FGGY: variants seen among roughly 807,000 people sequenced by gnomAD.
FGGY encodes FGGY carbohydrate kinase domain-containing protein.
FGGY carries 72 observed loss-of-function variants against 71.3 expected under a neutral mutation model. The ratio of observed to expected loss-of-function variants is 1.01; its 90% confidence interval spans 0.84 to 1.23. FGGY has a LOEUF of 1.23. Among genes scored for constraint, FGGY ranks in the 50% most tolerant of loss-of-function variants. The pLI is 0.00. For missense variants in FGGY, 668 were observed against 682.3 expected (o/e 0.98, Z 0.23); for synonymous variants, 251 against 250.3 (o/e 1.00, Z -0.02).
chr1:59,533,184 G>A (rs142755103), intron 7 of FGGY, among the ~76,000 whole-genome samples: 8,788 of 152,306 alleles, frequency 0.058, 496 homozygotes, highest in African/African-American at 0.15. Flanking sequence ...GCAAGGCATT[G>A]CCTCACTCGG....
intron 9 of FGGY, among the ~76,000 whole-genome samples, chr1:59,611,090 G>T (rs1195920601): frequency 6.6e-6 from 1 of 152,206 alleles, no homozygotes; most frequent in African/African-American, 2.4e-5. Context: ...CTGAGGGCGG[G>T]GCATAGCTGA....
At chr1:59,708,015 G>A (rs1021466813) in intron 14 of FGGY, among the ~76,000 whole-genome samples, 4 of 152,158 alleles carry the variant, frequency 2.6e-5, no homozygotes, top group African/African-American at 9.7e-5. Flanking sequence ...GGGGACATTT[G>A]GTTCCAGAGT....
chr1:59,570,228 C>G (rs536798086), intron 8 of FGGY, among the ~76,000 whole-genome samples: 1 of 152,068 alleles, frequency 6.6e-6, no homozygotes, highest in African/African-American at 2.4e-5. Context: ...GGAAAACTTT[C>G]AAAAAAACTG....
At chr1:59,313,445 G>A (rs1055170715) in intron 1 of FGGY, among the ~76,000 whole-genome samples, 3 of 152,130 alleles carry the variant, frequency 2.0e-5, no homozygotes, top group Non-Finnish European at 4.4e-5. Flanking sequence ...GTTAGATATG[G>A]CGAGAATGCC....
intron 4 of FGGY, among the ~76,000 whole-genome samples, chr1:59,357,062 G>A (rs1013600469): frequency 1.3e-5 from 2 of 152,180 alleles, no homozygotes; most frequent in Non-Finnish European, 2.9e-5. Flanking sequence ...AGACAGTATT[G>A]TCAGCTGCTG....
chr1:59,677,247 TCAA>T (rs2097444700), intron 14 of FGGY, among the ~76,000 whole-genome samples: 1 of 152,208 alleles, frequency 6.6e-6, no homozygotes, highest in African/African-American at 2.4e-5. Flanking sequence ...AACCTGAACT[TCAA>T]CACAGTCTTT....
At chr1:59,585,595 A>G (rs1003073765) in intron 8 of FGGY, among the ~76,000 whole-genome samples, 3 of 152,344 alleles carry the variant, frequency 2.0e-5, no homozygotes, top group African/African-American at 7.2e-5. Flanking sequence ...ATCACCATTC[A>G]GGACATAGGC....
intron 7 of FGGY, among the ~76,000 whole-genome samples, chr1:59,550,272 G>T (rs2095587959): frequency 1.3e-5 from 2 of 151,996 alleles, no homozygotes; most frequent in South Asian, 4.2e-4. Flanking sequence ...TCTGTGGATG[G>T]CAAAATATGT....
intron 13 of FGGY, among the ~76,000 whole-genome samples, chr1:59,672,980 T>A (rs1218889575): frequency 6.6e-6 from 1 of 152,184 alleles, no homozygotes; most frequent in African/African-American, 2.4e-5. Flanking sequence ...ACCCTTCAGA[T>A]GCCTGTTTAA....
At chr1:59,654,196 T>C (rs183219314) in intron 11 of FGGY, among the ~76,000 whole-genome samples, 1 of 152,386 alleles carries the variant, frequency 6.6e-6, no homozygotes, top group East Asian at 1.9e-4. Context: ...AGACACTTAC[T>C]GACACCTCTA....
chr1:59,588,965 A>G (rs898063422), intron 8 of FGGY, among the ~76,000 whole-genome samples: 2 of 152,258 alleles, frequency 1.3e-5, no homozygotes, highest in Non-Finnish European at 2.9e-5. Context: ...TAAATGGACT[A>G]AATGCTCCAA....
intron 1 of FGGY, among the ~76,000 whole-genome samples, chr1:59,297,551 G>A (rs138496070): frequency 1.3e-5 from 2 of 152,320 alleles, no homozygotes; most frequent in African/African-American, 4.8e-5. Flanking sequence ...GGCCGGGCGC[G>A]GTGGCTCACG....
rs1247060708 is a variant in FGGY, at chr1:59,468,616, T to G, written c.670+11540T>G. 3.3e-5 allele frequency among the ~76,000 whole-genome samples: 5 copies of G among 152,170 alleles called. No homozygotes were observed. The East Asian group carries it at 7.7e-4, about 23-fold the overall frequency. On this transcript the variant is annotated intron_variant, in intron 6 of 15. Coordinates refer to ENST00000303721, the MANE Select transcript of FGGY (RefSeq NM_018291.5). ...GGCTGGGCGTGGTGGCTCACACCTG[T>G]AATCCCAGCACTTTGGGAGGCCGAG...
chr1:59,449,623 A>G (rs2072194826), intron 5 of FGGY, among the ~76,000 whole-genome samples: 1 of 152,022 alleles, frequency 6.6e-6, no homozygotes, highest in African/African-American at 2.4e-5. Flanking sequence ...TTTATCTTGC[A>G]TTTTTATATT....
chr1:59,386,850 A>G (rs2060128500), intron 5 of FGGY, among the ~76,000 whole-genome samples: 1 of 152,088 alleles, frequency 6.6e-6, no homozygotes, highest in Non-Finnish European at 1.5e-5. Flanking sequence ...AATTTCTATA[A>G]TTTTAGGTTT....
chr1:59,734,195 TATGGTTAC>T (rs1247658521), intron 14 of FGGY, among the ~76,000 whole-genome samples: 2 of 152,206 alleles, frequency 1.3e-5, no homozygotes, highest in East Asian at 3.9e-4. Context: ...ACAGGTGTTG[TATGGTTAC>T]ATGAATAAGT....
chr1:59,330,374 G>A (rs750034426), intron 2 of FGGY, among the ~76,000 whole-genome samples: 4 of 152,086 alleles, frequency 2.6e-5, no homozygotes, highest in South Asian at 4.2e-4. Flanking sequence ...TTTGAGACCC[G>A]CCTGGTCAAC....
At chr1:59,754,105 T>C (rs1366585833) in intron 14 of FGGY, among the ~76,000 whole-genome samples, 1 of 152,234 alleles carries the variant, frequency 6.6e-6, no homozygotes, top group Non-Finnish European at 1.5e-5. Flanking sequence ...AGCTTTTTTC[T>C]TGTTCCTCTG....
intron 8 of FGGY, among the ~76,000 whole-genome samples, chr1:59,585,989 C>T (rs11590061): frequency 6.6e-6 from 1 of 151,914 alleles, no homozygotes; most frequent in African/African-American, 2.4e-5. Flanking sequence ...AGTTAGAATG[C>T]CAATCATTAA....
Sources: gnomAD v4.1 joint callset for allele counts (sites outside exome capture counted in the v4.1 genomes callset) on GRCh38, gnomAD v4.1.1 for gene constraint, MANE v1.5 for transcripts, NCBI Gene and HGNC (gene_info 2026-07-23, HGNC 2026-07-21) for gene names.